ATF7: variants seen among roughly 807,000 people sequenced by gnomAD.
The protein encoded by ATF7 is cyclic AMP-dependent transcription factor ATF-7.
A neutral mutation model predicts 50.4 loss-of-function variants in ATF7; 10 were observed. The observed-to-expected ratio is 0.20, with a 90% CI of 0.12 to 0.34. The LOEUF (loss-of-function observed/expected upper bound fraction) is 0.34, where lower values mean the gene tolerates loss of function less well. ATF7 is among the 10% of genes least tolerant of loss of function. The probability of loss-of-function intolerance (pLI) is 1.00; values close to 1 mark genes in which losing one functional copy is unlikely to be tolerated. For synonymous variants in ATF7, 201 were observed against 226.4 expected (o/e 0.89, Z 1.01); for missense variants, 465 against 613.9 (o/e 0.76, Z 2.56).
At chr12:53,590,280 CCA>C (rs914886721) in intron 2 of ATF7, among the ~76,000 whole-genome samples, 27 of 152,254 alleles carry the variant, frequency 1.8e-4, no homozygotes, top group African/African-American at 5.5e-4. Context: ...ATGACAGCCC[CCA>C]CAGAGTTCTC....
rs556075826 is a variant in ATF7 at position 53,522,567 on chromosome 12, A to C, written c.1234+709T>G. ...CAGCAAGACTCTGTCTCAAAAACAA[A>C]AAAAAAACAACATAGATGTGCCGGG... On this transcript the variant is annotated intron_variant, in intron 11 of 11. Coordinates refer to ENST00000420353, the MANE Select transcript of ATF7 (RefSeq NM_006856.3). 3 of 142,456 alleles carry C rather than the reference A, an allele frequency of 2.1e-5. No homozygotes were observed. In the East Asian group the frequency reaches 6.2e-4, roughly 30 times the overall value. 8.8% of individuals were successfully genotyped at this position (142,456 alleles called of 1,614,324 possible).
In ATF7 at chr12:53,524,896, C is replaced by G. The variant is rs1022696843; in HGVS notation, c.928-135G>C. On this transcript the variant is annotated intron_variant, in intron 9 of 11. Coordinates refer to ENST00000420353, the MANE Select transcript of ATF7 (RefSeq NM_006856.3). The surrounding 1 kb of genome is among the most constrained non-coding windows in gnomAD (Gnocchi z 4.6). ...CTGGTAACCACAGCAAGTCTCATTA[C>G]TATGTCCCCAAGCTTCCCTTTTGTA... is the stretch of plus-strand genomic sequence containing the variant. The G allele has an allele frequency of 4.8e-6, 4 of 835,546 alleles. No individual in the cohort carries two copies. The highest frequency in any genetic ancestry group is 7.1e-6 in the Non-Finnish European group (4 of 562,328). 51.8% of individuals were successfully genotyped at this position (835,546 alleles called of 1,614,324 possible).
intron 1 of ATF7, among the ~76,000 whole-genome samples, chr12:53,616,308 C>G (rs964365046): frequency 6.6e-6 from 1 of 152,098 alleles, no homozygotes; most frequent in Non-Finnish European, 1.5e-5. Flanking sequence ...CTGAAACCCC[C>G]GCCTCCCAGG....
intron 1 of ATF7, among the ~76,000 whole-genome samples, chr12:53,603,942 C>A (rs1408194679): frequency 6.6e-6 from 1 of 152,144 alleles, no homozygotes; most frequent in East Asian, 1.9e-4. Context: ...AAAGGGAAAT[C>A]TTGAAAAACA....
intron 4 of ATF7, among the ~76,000 whole-genome samples, chr12:53,540,502 T>C (rs1939487979): frequency 1.3e-5 from 2 of 151,926 alleles, no homozygotes; most frequent in African/African-American, 4.8e-5. Context: ...GGTGGACAGA[T>C]TGCTTGAGCT....
intron 4 of ATF7, among the ~76,000 whole-genome samples, chr12:53,538,594 C>T (rs1324482151): frequency 6.6e-6 from 1 of 152,154 alleles, no homozygotes; most frequent in Non-Finnish European, 1.5e-5. Context: ...AACAATAAAC[C>T]ATCTGAGATA....
chr12:53,580,856 A>G (rs1186741625), intron 2 of ATF7, among the ~76,000 whole-genome samples: 1 of 152,006 alleles, frequency 6.6e-6, no homozygotes, highest in Non-Finnish European at 1.5e-5. Flanking sequence ...TCACACCTGT[A>G]ACCCCAGCAC....
intron 9 of ATF7, chr12:53,525,007 T>A (rs913901785): frequency 2.3e-6 from 1 of 435,016 alleles, no homozygotes; most frequent in Non-Finnish European, 4.1e-6. Flanking sequence ...AAACTCTGAT[T>A]ATTTATAAGA....
At chr12:53,560,948 C>CTT (rs112538823) in intron 2 of ATF7, among the ~76,000 whole-genome samples, 8 of 137,764 alleles carry the variant, frequency 5.8e-5, no homozygotes, top group African/African-American at 1.1e-4. Context: ...TCTTTTCTTT[C>CTT]TTTTTTTTTT....
At chr12:53,561,906 G>A (rs1279367767) in intron 2 of ATF7, among the ~76,000 whole-genome samples, 1 of 152,112 alleles carries the variant, frequency 6.6e-6, no homozygotes, top group Non-Finnish European at 1.5e-5. Context: ...GGAAAAACAA[G>A]AACAGAAAAC....
At chr12:53,600,851 G>T in intron 2 of ATF7, 102 bp downstream of exon 2, 2 of 1,149,576 alleles carry the variant, frequency 1.7e-6, no homozygotes, top group Non-Finnish European at 2.5e-6. Flanking sequence ...ATTACCTCCA[G>T]TGATCACGTA....
At chr12:53,607,125 G>T (rs1943649344) in intron 1 of ATF7, among the ~76,000 whole-genome samples, 1 of 152,148 alleles carries the variant, frequency 6.6e-6, no homozygotes, top group African/African-American at 2.4e-5. Context: ...CTAGATCCCT[G>T]AGGAATGGCC....
intron 2 of ATF7, among the ~76,000 whole-genome samples, chr12:53,578,123 C>T (rs897215901): frequency 6.6e-6 from 1 of 152,122 alleles, no homozygotes; most frequent in Non-Finnish European, 1.5e-5. Flanking sequence ...GTGTGGCTCA[C>T]GTCTATAATC....
intron 4 of ATF7, chr12:53,543,005 C>T: frequency 8.2e-7 from 1 of 1,215,768 alleles, no homozygotes; most frequent in African/African-American, 1.6e-5. Flanking sequence ...CCAACAAAAT[C>T]TGAGTAATTT....
intron 1 of ATF7, among the ~76,000 whole-genome samples, chr12:53,621,717 A>T (rs1430364378): frequency 1.4e-5 from 2 of 140,334 alleles, no homozygotes; most frequent in Non-Finnish European, 3.0e-5. Context: ...TGAACCCGGG[A>T]GGCGGAGGTT....
intron 5 of ATF7, among the ~76,000 whole-genome samples, chr12:53,536,922 T>C (rs1939259431): frequency 2.0e-5 from 3 of 152,104 alleles, no homozygotes; most frequent in African/African-American, 7.2e-5. Context: ...ACAATTGCTA[T>C]GAACATTCTA....
chr12:53,604,886 C>T (rs1943540148), intron 1 of ATF7, among the ~76,000 whole-genome samples: 1 of 152,064 alleles, frequency 6.6e-6, no homozygotes, highest in South Asian at 2.1e-4. Context: ...AACAAAAAGA[C>T]AATAGGCCTT....
intron 1 of ATF7, among the ~76,000 whole-genome samples, chr12:53,602,817 T>A (rs1943456056): frequency 6.6e-6 from 1 of 152,182 alleles, no homozygotes; most frequent in South Asian, 2.1e-4. Flanking sequence ...ACATGATTTT[T>A]TTAGCACTTT....
At chr12:53,615,243 GCATGGTGGCGGGCGCCTGTAGTCC>G (rs1227174414) in intron 1 of ATF7, among the ~76,000 whole-genome samples, 1 of 152,088 alleles carries the variant, frequency 6.6e-6, no homozygotes, top group East Asian at 1.9e-4. Flanking sequence ...AATTGGCCAG[GCATGGTGGCGGGCGCCTGTAGTCC>G]CAGCTACTCG....
Sources: allele counts gnomAD v4.1 joint callset (sites outside exome capture counted in the v4.1 genomes callset), GRCh38; gene constraint gnomAD v4.1.1; non-coding constraint Gnocchi (gnomAD v3.1); transcripts MANE v1.5; gene names NCBI Gene and HGNC (gene_info 2026-07-23, HGNC 2026-07-21).